Variants in SGCZ observed in about 807,000 individuals in gnomAD.
SGCZ encodes zeta-sarcoglycan.
In SGCZ, 40 loss-of-function variants were observed where a neutral mutation model predicts 41.3. The ratio of observed to expected loss-of-function variants is 0.97; its 90% CI spans 0.75 to 1.26. The LOEUF is 1.26. Ranked by LOEUF, SGCZ falls within the 50% of genes most tolerant of loss-of-function variation. The probability of loss-of-function intolerance (pLI) is 0.00; values close to 1 mark genes in which losing one functional copy is unlikely to be tolerated. For synonymous variants in SGCZ, 206 were observed against 137.5 expected, an observed-to-expected ratio of 1.50 and a Z score of -3.49; for missense variants, 552 against 369.8, an observed-to-expected ratio of 1.49 and a Z score of -4.04.
At chr8:14,104,081 G>A (rs1018978016) in intron 6 of SGCZ, among the ~76,000 whole-genome samples, 2 of 152,040 alleles carry the variant, frequency 1.3e-5, no homozygotes, top group Admixed American at 6.6e-5. Flanking sequence ...TTATAGTAGA[G>A]GTTTTCAATT....
At chr8:14,961,584 T>A (rs1800967752) in intron 1 of SGCZ, among the ~76,000 whole-genome samples, 2 of 152,184 alleles carry the variant, frequency 1.3e-5, no homozygotes, top group Admixed American at 1.3e-4. Context: ...ATTTATAAAT[T>A]AAACTTTATC....
At chr8:15,210,473 G>C (rs1221334537) in intron 1 of SGCZ, among the ~76,000 whole-genome samples, 2 of 120,082 alleles carry the variant, frequency 1.7e-5, no homozygotes, top group Non-Finnish European at 3.6e-5. Context: ...CTTCCTTAAA[G>C]TCACAGTCTG....
At chr8:14,577,384 CTTTTTTTTTT>C (rs57432939) in intron 1 of SGCZ, among the ~76,000 whole-genome samples, 2 of 111,888 alleles carry the variant, frequency 1.8e-5, no homozygotes, top group African/African-American at 3.6e-5. Context: ...AGAAATATAT[CTTTTTTTTTT>C]TTTTTTTTTT....
At chr8:14,532,259 A>G (rs562845736) in intron 2 of SGCZ, among the ~76,000 whole-genome samples, 1 of 152,052 alleles carries the variant, frequency 6.6e-6, no homozygotes, top group Admixed American at 6.6e-5. Flanking sequence ...AAAAAATTTC[A>G]ATTGCAAGAA....
chr8:15,090,576 G>T (rs1806121110), intron 1 of SGCZ, among the ~76,000 whole-genome samples: 2 of 152,176 alleles, frequency 1.3e-5, no homozygotes, highest in African/African-American at 4.8e-5. Flanking sequence ...CTAAAAGGAA[G>T]AAACCTATGC....
At chr8:14,930,593 C>A (rs996564877) in intron 1 of SGCZ, among the ~76,000 whole-genome samples, 2 of 151,956 alleles carry the variant, frequency 1.3e-5, no homozygotes, top group Non-Finnish European at 2.9e-5. Context: ...ACCCAAATGC[C>A]CACCAATGAT....
chr8:14,803,533 C>A (rs962172713), intron 1 of SGCZ, among the ~76,000 whole-genome samples: 1 of 151,724 alleles, frequency 6.6e-6, no homozygotes, highest in African/African-American at 2.4e-5. Flanking sequence ...GCTTAAAAAA[C>A]GGCGCACCAC....
intron 1 of SGCZ, among the ~76,000 whole-genome samples, chr8:14,996,193 A>G (rs1802212072): frequency 6.6e-6 from 1 of 152,126 alleles, no homozygotes; most frequent in South Asian, 2.1e-4. Context: ...ATGAGCCACT[A>G]CATCAGACCA....
At chr8:14,091,566 T>C (rs1801690295) in intron 7 of SGCZ, among the ~76,000 whole-genome samples, 1 of 152,196 alleles carries the variant, frequency 6.6e-6, no homozygotes, top group Non-Finnish European at 1.5e-5. Flanking sequence ...TGCATTTCTC[T>C]AATGACCAGT....
chr8:14,167,530 T>C (rs1156469360), intron 4 of SGCZ, among the ~76,000 whole-genome samples: 4 of 151,982 alleles, frequency 2.6e-5, no homozygotes, highest in Non-Finnish European at 5.9e-5. Context: ...TCTGAGAAAG[T>C]TTATGTCAAT....
At chr8:14,551,198 T>C (rs1803798482) in intron 2 of SGCZ, among the ~76,000 whole-genome samples, 2 of 148,570 alleles carry the variant, frequency 1.3e-5, no homozygotes, top group Admixed American at 1.4e-4. Context: ...GTTCTTAAAA[T>C]CAGTACTTTA....
chr8:15,126,467 G>A (rs1209261869), intron 1 of SGCZ, among the ~76,000 whole-genome samples: 1 of 152,086 alleles, frequency 6.6e-6, no homozygotes, highest in Non-Finnish European at 1.5e-5. Flanking sequence ...AAAAACACGG[G>A]GAATACAAAC....
chr8:14,658,319 G>T (rs1807639152), intron 1 of SGCZ, among the ~76,000 whole-genome samples: 2 of 152,190 alleles, frequency 1.3e-5, no homozygotes, highest in South Asian at 4.2e-4. Context: ...CTGGATAATT[G>T]CAGTGTTGTC....
At chr8:14,309,419 C>G in intron 3 of SGCZ, 1 of 1,606,740 alleles carries the variant, frequency 6.2e-7, no homozygotes, top group East Asian at 2.2e-5. Flanking sequence ...GCTAGAGACA[C>G]TTCTGTGCCT....
chr8:14,200,535 G>C (rs1010895883), intron 4 of SGCZ, among the ~76,000 whole-genome samples: 1 of 152,150 alleles, frequency 6.6e-6, no homozygotes, highest in African/African-American at 2.4e-5. Flanking sequence ...AGAGAGCCCA[G>C]TATGAGACCT....
chr8:15,237,933 T>A lies in SGCZ; in HGVS notation c.-310A>T, dbSNP rs545153916. The A allele has an allele frequency of 3.2e-4, 99 of 306,246 alleles. No individual in the cohort carries two copies. The highest frequency in any genetic ancestry group is 2.0e-3 in the Middle Eastern group (2 of 1,012). The allele number at this position is 306,246 out of a possible 1,614,324, so 19.0% of individuals were successfully genotyped here. On this transcript the variant is annotated 5_prime_UTR_variant, in exon 1 of 8. Transcript: ENST00000382080. ...AAAAGGAAAAAAAAATCCACTCTATTTAAGATTATTTCTTCTTCTGCAATA... is the reference window on the plus strand; with the variant it reads ...AAAAGGAAAAAAAAATCCACTCTATATAAGATTATTTCTTCTTCTGCAATA...
chr8:15,085,195 C>T (rs1342683864), intron 1 of SGCZ, among the ~76,000 whole-genome samples: 1 of 152,132 alleles, frequency 6.6e-6, no homozygotes, highest in Non-Finnish European at 1.5e-5. Context: ...GTTTATTTAA[C>T]AACAAAATCC....
At chr8:14,971,430 T>A (rs892740597) in intron 1 of SGCZ, among the ~76,000 whole-genome samples, 4 of 152,058 alleles carry the variant, frequency 2.6e-5, no homozygotes, top group African/African-American at 9.7e-5. Flanking sequence ...TCTCTATCAT[T>A]TTGAGAAACT....
At chr8:14,297,462 A>T (rs983348978) in intron 3 of SGCZ, among the ~76,000 whole-genome samples, 1 of 152,006 alleles carries the variant, frequency 6.6e-6, no homozygotes, top group South Asian at 2.1e-4. Flanking sequence ...TCAAAAACAG[A>T]AGTATCTTAT....
Sources: allele counts gnomAD v4.1 joint callset (sites outside exome capture counted in the v4.1 genomes callset), GRCh38; gene constraint gnomAD v4.1.1; transcripts MANE v1.5; gene names NCBI Gene and HGNC (gene_info 2026-07-23, HGNC 2026-07-21).